CALN1: variants seen among roughly 807,000 people sequenced by gnomAD.
CALN1 encodes the protein calneuron 1, also known as calcium-binding protein 8.
Under a neutral mutation model 30.6 loss-of-function variants are expected in CALN1, and 17 were observed. The ratio of observed to expected loss-of-function variants is 0.56; its 90% CI spans 0.38 to 0.83. The LOEUF (loss-of-function observed/expected upper bound fraction) is 0.83, where lower values mean the gene tolerates loss of function less well. Ranked by LOEUF, CALN1 falls within the 40% of genes least tolerant of loss-of-function variation. The pLI is 0.00. For missense variants in CALN1, 291 were observed against 354.9 expected (o/e 0.82, Z 1.45); for synonymous variants, 156 against 131.4 (o/e 1.19, Z -1.28).
At chr7:72,403,156 C>G (rs1455836770) in intron 2 of CALN1, 95 bp downstream of exon 2, 8 of 848,380 alleles carry the variant, frequency 9.4e-6, no homozygotes, top group Admixed American at 2.6e-5. Flanking sequence ...AGCCTAGACA[C>G]GCAGCAGCGG....
intron 1 of CALN1, among the ~76,000 whole-genome samples, chr7:72,407,873 G>A (rs554961384): frequency 6.6e-6 from 1 of 152,214 alleles, no homozygotes; most frequent in South Asian, 2.1e-4. Flanking sequence ...GGAGCTCAGA[G>A]AGTCAAGCTG....
chr7:71,825,782 C>T (rs1788872637), intron 5 of CALN1, among the ~76,000 whole-genome samples: 1 of 152,016 alleles, frequency 6.6e-6, no homozygotes, highest in Non-Finnish European at 1.5e-5. Context: ...TCTGTAATCC[C>T]ATCACTCTGA....
intron 3 of CALN1, among the ~76,000 whole-genome samples, chr7:72,167,753 T>A (rs1476750470): frequency 6.6e-6 from 1 of 152,226 alleles, no homozygotes; most frequent in Non-Finnish European, 1.5e-5. Context: ...GAGAAAATTA[T>A]TTGTAGGATG....
At chr7:72,065,765 T>C (rs536238448) in intron 4 of CALN1, among the ~76,000 whole-genome samples, 1 of 152,020 alleles carries the variant, frequency 6.6e-6, no homozygotes, top group Admixed American at 6.6e-5. Context: ...TGGAGGCGGG[T>C]GCCTGTAATC....
intron 2 of CALN1, among the ~76,000 whole-genome samples, chr7:72,303,428 A>T (rs1028408038): frequency 1.3e-5 from 2 of 152,078 alleles, no homozygotes; most frequent in African/African-American, 4.8e-5. Flanking sequence ...GTGGTGGGGC[A>T]TGCCTGTAAT....
chr7:72,190,061 A>G (rs1282776644), intron 3 of CALN1, among the ~76,000 whole-genome samples: 1 of 152,174 alleles, frequency 6.6e-6, no homozygotes, highest in Admixed American at 6.5e-5. Flanking sequence ...CAAACAAACA[A>G]AACAAAACAA....
chr7:71,850,591 C>T (rs1434148261), intron 5 of CALN1, among the ~76,000 whole-genome samples: 2 of 152,154 alleles, frequency 1.3e-5, no homozygotes. Context: ...AAGAAAAAAT[C>T]ACTCAAGAAA....
At chr7:72,323,937 G>A (rs1010654083) in intron 2 of CALN1, among the ~76,000 whole-genome samples, 17 of 151,984 alleles carry the variant, frequency 1.1e-4, no homozygotes, top group African/African-American at 3.6e-4. Context: ...CCAGCTACTC[G>A]GGAGGCTGAG....
intron 4 of CALN1, among the ~76,000 whole-genome samples, chr7:72,055,585 C>G (rs1803200759): frequency 6.6e-6 from 1 of 151,918 alleles, no homozygotes; most frequent in African/African-American, 2.4e-5. Flanking sequence ...AATAAAATTG[C>G]AACAGACAAA....
intron 4 of CALN1, among the ~76,000 whole-genome samples, chr7:72,085,268 A>T (rs1164572988): frequency 1.3e-5 from 2 of 152,146 alleles, no homozygotes; most frequent in African/African-American, 4.8e-5. Context: ...TGAGACCAGG[A>T]GTTTCAGACC....
At chr7:71,955,424 A>G (rs1292002115) in intron 5 of CALN1, among the ~76,000 whole-genome samples, 1 of 152,126 alleles carries the variant, frequency 6.6e-6, no homozygotes, top group East Asian at 1.9e-4. Context: ...AACTTTTTGC[A>G]TACGTTCCTT....
At chr7:72,280,390 T>C (rs1797656319) in intron 2 of CALN1, among the ~76,000 whole-genome samples, 1 of 152,224 alleles carries the variant, frequency 6.6e-6, no homozygotes, top group Non-Finnish European at 1.5e-5. Flanking sequence ...AATGGCAGGA[T>C]GCTGATTACA....
At chr7:72,247,223 C>CTTTTTTT (rs1795235414) in intron 3 of CALN1, among the ~76,000 whole-genome samples, 1 of 43,490 alleles carries the variant, frequency 2.3e-5, no homozygotes, top group Non-Finnish European at 6.0e-5. Context: ...AGACCATTTT[C>CTTTTTTT]TTTCTTTTTT....
chr7:72,331,363 A>AGAAAAG (rs1047534461), intron 2 of CALN1, among the ~76,000 whole-genome samples: 15 of 152,130 alleles, frequency 9.9e-5, no homozygotes, highest in African/African-American at 3.4e-4. Context: ...AAAGAAAGAA[A>AGAAAAG]AAAAAGAAAA....
At chr7:72,341,987 C>T (rs575132740) in intron 2 of CALN1, among the ~76,000 whole-genome samples, 2 of 151,932 alleles carry the variant, frequency 1.3e-5, no homozygotes, top group East Asian at 3.9e-4. Context: ...GGCAGTGGCT[C>T]ACACTTGTAA....
At chr7:72,289,234 T>G (rs1026758308) in intron 2 of CALN1, among the ~76,000 whole-genome samples, 1 of 152,228 alleles carries the variant, frequency 6.6e-6, no homozygotes, top group African/African-American at 2.4e-5. Flanking sequence ...AATCTCTTTA[T>G]TCTCTTTTTG....
chr7:72,446,082 A>T (rs1323306248), intron 1 of CALN1, among the ~76,000 whole-genome samples: 1 of 152,070 alleles, frequency 6.6e-6, no homozygotes, highest in Non-Finnish European at 1.5e-5. Context: ...ACCCCCAGAG[A>T]TGACTGTCAC....
intron 3 of CALN1, among the ~76,000 whole-genome samples, chr7:72,266,048 C>T (rs752349441): frequency 1.3e-4 from 20 of 151,700 alleles, no homozygotes; most frequent in African/African-American, 4.6e-4. Flanking sequence ...GTGGGAGGGT[C>T]GCTTGAACCT....
chr7:72,369,320 TAATATATATAATTTATAA>T (rs1562927603), intron 2 of CALN1, among the ~76,000 whole-genome samples: 10 of 147,410 alleles, frequency 6.8e-5, no homozygotes, highest in African/African-American at 2.5e-4. Flanking sequence ...TAAATATTTA[TAATATATATAATTTATAA>T]ATATTATAAA....
Sources: gnomAD v4.1 joint callset for allele counts (sites outside exome capture counted in the v4.1 genomes callset) on GRCh38, gnomAD v4.1.1 for gene constraint, MANE v1.5 for transcripts, NCBI Gene and HGNC (gene_info 2026-07-23, HGNC 2026-07-21) for gene names.